DPP10: variants seen among roughly 807,000 people sequenced by gnomAD.
DPP10 encodes the protein inactive dipeptidyl peptidase 10.
In DPP10, 33 loss-of-function variants were observed where a neutral mutation model predicts 120.9. That is an observed-to-expected ratio of 0.27 (90% CI 0.21 to 0.37). DPP10 has a LOEUF of 0.37. Among genes scored for constraint, DPP10 ranks in the 10% least tolerant of loss-of-function variants. DPP10 has a pLI of 1.00. For missense variants in DPP10, 816 were observed against 942.8 expected (o/e 0.87, Z 1.76); for synonymous variants, 337 against 326.1 (o/e 1.03, Z -0.36).
chr2:115,690,245 A>G (rs1001288908), intron 7 of DPP10, among the ~76,000 whole-genome samples: 4 of 152,162 alleles, frequency 2.6e-5, no homozygotes, highest in Admixed American at 2.6e-4. Flanking sequence ...TTTTCATGAA[A>G]AATTCAAAAT....
At chr2:114,724,694 G>A (rs1052343768) in intron 1 of DPP10, among the ~76,000 whole-genome samples, 3 of 152,214 alleles carry the variant, frequency 2.0e-5, no homozygotes, top group African/African-American at 7.2e-5. Context: ...CACAAAGACA[G>A]TTTGTGTGCA....
intron 13 of DPP10, among the ~76,000 whole-genome samples, chr2:115,769,891 A>G (rs1681247938): frequency 6.6e-6 from 1 of 152,034 alleles, no homozygotes; most frequent in African/African-American, 2.4e-5. Flanking sequence ...CCCAAATCTT[A>G]TAACTGATTA....
chr2:115,549,139 G>A (rs539458031), intron 5 of DPP10, among the ~76,000 whole-genome samples: 1 of 152,216 alleles, frequency 6.6e-6, no homozygotes, highest in Admixed American at 6.5e-5. Flanking sequence ...ATGAAATAAT[G>A]GCTTTGTTGT....
chr2:115,746,372 A>G (rs1459721799), intron 10 of DPP10, among the ~76,000 whole-genome samples, 189 bp downstream of exon 10: 1 of 152,206 alleles, frequency 6.6e-6, no homozygotes, highest in Non-Finnish European at 1.5e-5. Context: ...ATTTAGCTCC[A>G]AGGTGATTAT....
At chr2:115,171,986 CACAA>C (rs758721178) in intron 1 of DPP10, among the ~76,000 whole-genome samples, 72 of 152,320 alleles carry the variant, frequency 4.7e-4, no homozygotes, top group Non-Finnish European at 8.5e-4. Flanking sequence ...GCCACCACTA[CACAA>C]ACAGAGTTGA....
intron 1 of DPP10, among the ~76,000 whole-genome samples, chr2:114,779,075 G>T (rs1294874348): frequency 6.6e-6 from 1 of 152,034 alleles, no homozygotes; most frequent in Non-Finnish European, 1.5e-5. Context: ...AGTGGAGTTG[G>T]TACCTCTGGG....
At chr2:114,507,026 G>GTTTTCTTTT (rs1318347062) in intron 1 of DPP10, among the ~76,000 whole-genome samples, 1 of 150,102 alleles carries the variant, frequency 6.7e-6, no homozygotes, top group Non-Finnish European at 1.5e-5. Flanking sequence ...GAATTATTCA[G>GTTTTCTTTT]TTTTCTTTTT....
chr2:114,762,944 T>C (rs1036056163), intron 1 of DPP10, among the ~76,000 whole-genome samples: 3 of 152,174 alleles, frequency 2.0e-5, no homozygotes, highest in African/African-American at 7.2e-5. Flanking sequence ...CAATAAAATA[T>C]GGTCCAGTAA....
intron 1 of DPP10, among the ~76,000 whole-genome samples, chr2:114,988,974 A>G (rs1010704417): frequency 1.3e-5 from 2 of 152,174 alleles, no homozygotes; most frequent in East Asian, 1.9e-4. Flanking sequence ...GGGAAATACA[A>G]TGAAAACACC....
chr2:115,346,258 A>G (rs2063706681), intron 3 of DPP10, among the ~76,000 whole-genome samples: 1 of 152,212 alleles, frequency 6.6e-6, no homozygotes, highest in Non-Finnish European at 1.5e-5. Context: ...TTATATCTAA[A>G]TGTAACCTGT....
At chr2:114,471,289 T>A (rs1289349331) in intron 1 of DPP10, among the ~76,000 whole-genome samples, 1 of 152,192 alleles carries the variant, frequency 6.6e-6, no homozygotes, top group Non-Finnish European at 1.5e-5. Flanking sequence ...AGTTTAAATT[T>A]GAGAGTTTTG....
intron 1 of DPP10, among the ~76,000 whole-genome samples, chr2:114,976,667 A>G (rs1004186347): frequency 7.2e-5 from 11 of 152,174 alleles, no homozygotes; most frequent in Admixed American, 2.0e-4. Flanking sequence ...CTTGTAAGTA[A>G]CTTCTCTGCA....
At chr2:115,071,388 T>C (rs1373453010) in intron 1 of DPP10, among the ~76,000 whole-genome samples, 1 of 152,266 alleles carries the variant, frequency 6.6e-6, no homozygotes, top group East Asian at 1.9e-4. Flanking sequence ...CATTGCTCAC[T>C]GCACAGAAAG....
At chr2:114,753,303 C>T (rs963386754) in intron 1 of DPP10, among the ~76,000 whole-genome samples, 1 of 152,172 alleles carries the variant, frequency 6.6e-6, no homozygotes, top group African/African-American at 2.4e-5. Flanking sequence ...CACCAAATAC[C>T]AGGCTTTTTG....
chr2:115,078,587 A>T (rs1421706633), intron 1 of DPP10, among the ~76,000 whole-genome samples: 1 of 152,190 alleles, frequency 6.6e-6, no homozygotes, highest in Non-Finnish European at 1.5e-5. Context: ...GTATGCTAAA[A>T]TCTAAACAAT....
intron 1 of DPP10, among the ~76,000 whole-genome samples, chr2:115,295,475 TG>T (rs1397680798): frequency 3.3e-5 from 5 of 152,100 alleles, no homozygotes; most frequent in Non-Finnish European, 7.4e-5. Flanking sequence ...GTGTTAGAAA[TG>T]GCTAATAACC....
intron 1 of DPP10, among the ~76,000 whole-genome samples, chr2:115,193,044 A>G (rs1478278499): frequency 6.6e-6 from 1 of 152,088 alleles, no homozygotes; most frequent in Non-Finnish European, 1.5e-5. Flanking sequence ...TCCTTTTACC[A>G]AAAGTATATT....
chr2:115,382,786 C>T (rs528935984), intron 3 of DPP10, among the ~76,000 whole-genome samples: 1 of 152,228 alleles, frequency 6.6e-6, no homozygotes, highest in African/African-American at 2.4e-5. Context: ...TTCAATTATT[C>T]TTTTTAAAAA....
In DPP10 at chr2:114,462,095, T is replaced by C. The variant is rs995272117; in HGVS notation, c.60+19257T>C. The C allele has an allele frequency of 1.6e-5, 16 of 985,408 alleles. No individual in the cohort carries two copies. In the East Asian group the frequency reaches 1.0e-3, roughly 63 times the overall value. 61.0% of individuals were successfully genotyped at this position (985,408 alleles called of 1,614,324 possible). A position where few individuals can be genotyped will look rare whatever the true frequency, so the allele number is the denominator to read the frequency against. ...GCTTCACCAGGATGATCAATGCAAA[T>C]GGATATGGAGCTTTCTTGGAATGAA... On this transcript the variant is annotated intron_variant, in intron 1 of 25. Transcript: ENST00000410059.
Sources: allele counts gnomAD v4.1 joint callset (sites outside exome capture counted in the v4.1 genomes callset), GRCh38; gene constraint gnomAD v4.1.1; transcripts MANE v1.5; gene names NCBI Gene and HGNC (gene_info 2026-07-23, HGNC 2026-07-21).